The following LINGO1 variants were observed in gnomAD, a reference collection of about 807,000 sequenced individuals.
LINGO1 encodes leucine rich repeat and Ig domain containing 1, also known as leucine-rich repeat and immunoglobulin-like domain-containing nogo receptor-interacting protein 1.
Under a neutral mutation model 37.3 loss-of-function variants are expected in LINGO1, and 11 were observed. That is an observed-to-expected ratio of 0.29 (90% CI 0.19 to 0.49). LINGO1 has a LOEUF of 0.49. Ranked by LOEUF, LINGO1 falls within the 20% of genes least tolerant of loss-of-function variation. The probability of loss-of-function intolerance (pLI) is 0.99; values close to 1 mark genes in which losing one functional copy is unlikely to be tolerated. For missense variants in LINGO1, 585 were observed against 878.2 expected (o/e 0.67, Z 4.22); for synonymous variants, 387 against 403.0 (o/e 0.96, Z 0.48).
rs2142489011 is a variant in LINGO1, at chr15:77,616,016, T to G, written c.7-116A>C. ...CCTGTCACGATGACCCTGATGCAGATAGAGAGGCAGGGTCCAGATGCCCAG... is the reference window on the plus strand; with the variant it reads ...CCTGTCACGATGACCCTGATGCAGAGAGAGAGGCAGGGTCCAGATGCCCAG... On this transcript the variant is annotated intron_variant, in intron 1 of 1. Transcript: ENST00000355300. 5.8e-6 allele frequency: 4 copies of G among 689,694 alleles called. 1 individual carries two copies. Among genetic ancestry groups the G allele is most frequent in the Non-Finnish European group, 4.5e-6 (2 of 447,026 alleles). 42.7% of individuals were successfully genotyped at this position (689,694 alleles called of 1,614,324 possible).
chr15:77,716,280 CTTT>C (rs5813879), intron 2 of LINGO1, among the ~76,000 whole-genome samples: 6 of 119,232 alleles, frequency 5.0e-5, no homozygotes, highest in Non-Finnish European at 6.8e-5. Context: ...TCTTCTTCTT[CTTT>C]TTTTTTTTTT....
chr15:77,768,741 G>C (rs1363626358), intron 1 of LINGO1, among the ~76,000 whole-genome samples: 1 of 152,120 alleles, frequency 6.6e-6, no homozygotes, highest in Non-Finnish European at 1.5e-5. Context: ...CAGCAGCCAA[G>C]CCCTGGGCCT....
At chr15:77,699,740 T>C (rs796671829), upstream of LINGO1, among the ~76,000 whole-genome samples, 8 of 142 alleles carry the variant, frequency 0.056, no homozygotes, top group Admixed American at 0.2. Flanking sequence ...ATACTAACCA[T>C]CACCTGCACA....
upstream of LINGO1, chr15:77,634,407 GA>G: frequency 2.2e-6 from 1 of 451,832 alleles, no homozygotes; most frequent in Non-Finnish European, 4.5e-6. Context: ...GGCCTAGCTA[GA>G]GTCCCTCCTA....
chr15:77,787,499 C>G (rs904641403), upstream of LINGO1, among the ~76,000 whole-genome samples: 1 of 150,366 alleles, frequency 6.7e-6, no homozygotes. Flanking sequence ...CAGAAGGACA[C>G]AGGGGTCCCG....
chr15:77,720,613 T>C (rs2076039637), intron 2 of LINGO1: 1 of 152,368 alleles, frequency 6.6e-6, no homozygotes, highest in Admixed American at 6.5e-5. Flanking sequence ...AAAGCAGTCC[T>C]TACCCCATAG....
At chr15:77,700,463 C>T (rs1468477089), upstream of LINGO1, among the ~76,000 whole-genome samples, 1 of 152,150 alleles carries the variant, frequency 6.6e-6, no homozygotes. Flanking sequence ...ATAGTTAAAG[C>T]GTTTCGGGCA....
upstream of LINGO1, among the ~76,000 whole-genome samples, chr15:77,787,524 C>T (rs62007830): frequency 8.3e-3 from 1,240 of 149,646 alleles, 13 homozygotes; most frequent in Non-Finnish European, 0.013. Flanking sequence ...AGGGTTCCCA[C>T]GCATGCGGCT....
chr15:77,714,320 G>A (rs2075957357), intron 2 of LINGO1, among the ~76,000 whole-genome samples: 1 of 151,966 alleles, frequency 6.6e-6, no homozygotes, highest in African/African-American at 2.4e-5. Context: ...TTCCCTACTT[G>A]GCCCTTCCTG....
At chr15:77,664,160 T>TGCGCGC (rs1393532000) in intron 3 of LINGO1, among the ~76,000 whole-genome samples, 91 of 115,010 alleles carry the variant, frequency 7.9e-4, no homozygotes, top group Middle Eastern at 8.6e-3. Flanking sequence ...TGTGTGTGTG[T>TGCGCGC]GTGTGTGTGT....
chr15:77,729,859 C>A (rs1596164335), intron 2 of LINGO1, among the ~76,000 whole-genome samples: 1 of 152,240 alleles, frequency 6.6e-6, no homozygotes, highest in South Asian at 2.1e-4. Flanking sequence ...GCTCCCCAAG[C>A]TTTTCCTTGC....
intron 1 of LINGO1, among the ~76,000 whole-genome samples, chr15:77,813,156 T>C (rs2077019665): frequency 6.6e-6 from 1 of 152,208 alleles, no homozygotes; most frequent in Non-Finnish European, 1.5e-5. Context: ...AAATGTTCCC[T>C]AAATGTAAAG....
chr15:77,678,166 T>C (rs1343618014), intron 2 of LINGO1, among the ~76,000 whole-genome samples: 2 of 152,270 alleles, frequency 1.3e-5, no homozygotes, highest in Non-Finnish European at 2.9e-5. Context: ...AGCAAACTTT[T>C]TCCATCAGGT....
At chr15:77,788,011 A>G (rs913285158), upstream of LINGO1, 1 of 152,084 alleles carries the variant, frequency 6.6e-6, no homozygotes, top group South Asian at 2.1e-4. Flanking sequence ...ACCGCATAGA[A>G]CCCCGGAGCC....
chr15:77,736,542 C>T (rs934726310), intron 1 of LINGO1, among the ~76,000 whole-genome samples: 1 of 152,160 alleles, frequency 6.6e-6, no homozygotes, highest in East Asian at 1.9e-4. Flanking sequence ...GGGGTAGGAT[C>T]GCTTGAGCCC....
intron 1 of LINGO1, among the ~76,000 whole-genome samples, chr15:77,783,820 C>A (rs980865570): frequency 6.6e-6 from 1 of 152,192 alleles, no homozygotes; most frequent in Admixed American, 6.5e-5. Flanking sequence ...GACTCAGGAG[C>A]CAGTGCTTTT....
intron 1 of LINGO1, among the ~76,000 whole-genome samples, chr15:77,629,740 TGCTCAGGGTGTTCAAGGCA>T (rs1388355364): frequency 5.3e-5 from 8 of 152,166 alleles, no homozygotes; most frequent in African/African-American, 1.9e-4. Context: ...GTACTAGGAT[TGCTCAGGGTGTTCAAGGCA>T]GATCATGCTT....
rs1555539944 is a variant in LINGO1, at chr15:77,766,308, A to AAAAAAAAAAC, written c.-257+20551_-257+20560dup. ...AGGAGACCCTGTCTCAAAAAAAAAAAAAAAAAAAACACACAAACAGAGAGA... is the reference window on the plus strand; with the variant it reads ...AGGAGACCCTGTCTCAAAAAAAAAAAAAAAAAAAACAAAAAAAAACACACAAACAGAGAGA... On this transcript the variant is annotated intron_variant, in intron 1 of 3. Transcript: ENST00000561686. 2.0e-5 allele frequency among the ~76,000 whole-genome samples: 3 copies of AAAAAAAAAAC among 146,544 alleles called. No individual in the cohort carries two copies. In the South Asian group the frequency reaches 6.3e-4, roughly 31 times the overall value.
At chr15:77,622,674 C>T (rs1488870404) in intron 1 of LINGO1, among the ~76,000 whole-genome samples, 1 of 152,202 alleles carries the variant, frequency 6.6e-6, no homozygotes, top group Non-Finnish European at 1.5e-5. Context: ...GGGAACTGTG[C>T]CTGCTCAGAG....
Sources: allele counts gnomAD v4.1 joint callset (sites outside exome capture counted in the v4.1 genomes callset), GRCh38; gene constraint gnomAD v4.1.1; transcripts MANE v1.5; gene names NCBI Gene and HGNC (gene_info 2026-07-23, HGNC 2026-07-21).